Variants in GABRB1 observed in about 807,000 individuals in gnomAD.
GABRB1 encodes gamma-aminobutyric acid type A receptor subunit beta1, also known as gamma-aminobutyric acid receptor subunit beta-1.
GABRB1 carries 17 observed loss-of-function variants against 51.6 expected under a neutral mutation model. The ratio of observed to expected loss-of-function variants is 0.33; its 90% CI spans 0.23 to 0.49. The LOEUF (loss-of-function observed/expected upper bound fraction) is 0.49. Ranked by LOEUF, GABRB1 falls within the 20% of genes least tolerant of loss-of-function variation. GABRB1 has a pLI of 0.99. For synonymous variants in GABRB1, 247 were observed against 218.9 expected (o/e 1.13, Z -1.14); for missense variants, 410 against 600.6 (o/e 0.68, Z 3.32).
intron 8 of GABRB1, among the ~76,000 whole-genome samples, chr4:47,407,456 T>C (rs1728614986): frequency 6.6e-6 from 1 of 152,254 alleles, no homozygotes; most frequent in Admixed American, 6.5e-5. Flanking sequence ...TTAAGAACTC[T>C]GTTTTTCTCA....
At chr4:47,303,103 C>T (rs1724322583) in intron 4 of GABRB1, among the ~76,000 whole-genome samples, 1 of 151,738 alleles carries the variant, frequency 6.6e-6, no homozygotes, top group Non-Finnish European at 1.5e-5. Flanking sequence ...AGAAGAAATG[C>T]ACATTTATTT....
At chr4:47,091,378 C>T (rs940819343) in intron 3 of GABRB1, among the ~76,000 whole-genome samples, 1 of 152,006 alleles carries the variant, frequency 6.6e-6, no homozygotes, top group African/African-American at 2.4e-5. Flanking sequence ...AAAAACAAAA[C>T]ATAATGGTAT....
At chr4:47,128,931 A>G (rs923123344) in intron 3 of GABRB1, among the ~76,000 whole-genome samples, 6 of 152,104 alleles carry the variant, frequency 3.9e-5, no homozygotes, top group Admixed American at 3.9e-4. Flanking sequence ...TTGTTGAACA[A>G]GTAGTGACCT....
intron 5 of GABRB1, among the ~76,000 whole-genome samples, chr4:47,376,717 C>T (rs955018540): frequency 2.0e-5 from 3 of 151,906 alleles, no homozygotes; most frequent in African/African-American, 7.3e-5. Flanking sequence ...AGTAGAGGCA[C>T]AAGCTAGGCT....
At chr4:47,058,222 G>A (rs1577868747) in intron 3 of GABRB1, among the ~76,000 whole-genome samples, 1 of 152,164 alleles carries the variant, frequency 6.6e-6, no homozygotes, top group Admixed American at 6.5e-5. Context: ...GTGCAGAAGG[G>A]TCGGTCCATC....
intron 5 of GABRB1, among the ~76,000 whole-genome samples, chr4:47,350,131 T>C (rs1296690575): frequency 6.7e-6 from 1 of 149,192 alleles, no homozygotes; most frequent in African/African-American, 2.4e-5. Flanking sequence ...TTTATTACTT[T>C]ACATTAGTTC....
chr4:47,284,542 C>T (rs955503127), intron 4 of GABRB1, among the ~76,000 whole-genome samples: 5 of 152,164 alleles, frequency 3.3e-5, no homozygotes, highest in African/African-American at 1.2e-4. Flanking sequence ...AAGAGGAAAA[C>T]TTTTTCTTTT....
intron 5 of GABRB1, among the ~76,000 whole-genome samples, chr4:47,360,425 G>A (rs1726763826): frequency 6.6e-6 from 1 of 151,632 alleles, no homozygotes; most frequent in African/African-American, 2.4e-5. Context: ...TTCATATGTA[G>A]GGAAATAGCC....
intron 4 of GABRB1, among the ~76,000 whole-genome samples, chr4:47,178,809 C>T (rs1033761215): frequency 9.9e-5 from 15 of 151,932 alleles, no homozygotes; most frequent in Admixed American, 9.2e-4. Flanking sequence ...AAATTAGGAA[C>T]GATGGTTGAA....
intron 8 of GABRB1, among the ~76,000 whole-genome samples, chr4:47,424,763 T>C (rs563728897): frequency 6.6e-5 from 10 of 152,226 alleles, no homozygotes; most frequent in African/African-American, 1.9e-4. Flanking sequence ...GCAAAGTATA[T>C]CAGCTTGAAG....
chr4:47,339,810 AAAAT>A (rs1263116176), intron 5 of GABRB1, among the ~76,000 whole-genome samples: 1 of 139,408 alleles, frequency 7.2e-6, no homozygotes, highest in Non-Finnish European at 1.5e-5. Flanking sequence ...TCATAGAGCA[AAAAT>A]AAATAAATGC....
chr4:47,308,537 T>A (rs1209351098), intron 4 of GABRB1, among the ~76,000 whole-genome samples: 1 of 152,082 alleles, frequency 6.6e-6, no homozygotes, highest in Non-Finnish European at 1.5e-5. Context: ...TAATACTCCA[T>A]CACTCTTGAA....
At chr4:47,156,090 C>T (rs1717686841) in intron 3 of GABRB1, among the ~76,000 whole-genome samples, 1 of 151,488 alleles carries the variant, frequency 6.6e-6, no homozygotes, top group Non-Finnish European at 1.5e-5. Context: ...ATGTACCCAG[C>T]AGTGGAATTG....
intron 4 of GABRB1, among the ~76,000 whole-genome samples, chr4:47,184,119 G>C (rs1012454814): frequency 6.6e-6 from 1 of 151,824 alleles, no homozygotes; most frequent in Non-Finnish European, 1.5e-5. Flanking sequence ...GACCACACCT[G>C]GTCACTCTAA....
At chr4:47,257,587 T>C (rs1271727058) in intron 4 of GABRB1, among the ~76,000 whole-genome samples, 1 of 151,870 alleles carries the variant, frequency 6.6e-6, no homozygotes, top group Admixed American at 6.6e-5. Context: ...GAGAAGTTGA[T>C]TGGTGAGAAG....
chr4:47,147,342 T>C (rs1409647560), intron 3 of GABRB1, among the ~76,000 whole-genome samples: 1 of 152,122 alleles, frequency 6.6e-6, no homozygotes, highest in Non-Finnish European at 1.5e-5. Context: ...TCTGCCTTCA[T>C]TCAGACTAAT....
intron 5 of GABRB1, among the ~76,000 whole-genome samples, chr4:47,358,409 A>G (rs1343301920): frequency 6.6e-6 from 1 of 151,730 alleles, no homozygotes; most frequent in Non-Finnish European, 1.5e-5. Context: ...ATATATAGAG[A>G]GAGAGAGAGT....
At chr4:47,403,251 G>A in intron 5 of GABRB1, 67 bp from the exon 6 acceptor site, 1 of 1,567,632 alleles carries the variant, frequency 6.4e-7, no homozygotes, top group Non-Finnish European at 8.7e-7. Flanking sequence ...TTTTCCTCTA[G>A]CTCCCAGATG....
intron 4 of GABRB1, among the ~76,000 whole-genome samples, chr4:47,304,840 T>A (rs1311565119): frequency 6.6e-6 from 1 of 152,100 alleles, no homozygotes; most frequent in African/African-American, 2.4e-5. Context: ...GAAGTTAGCA[T>A]TCTAATGACA....
Sources: allele counts gnomAD v4.1 joint callset (sites outside exome capture counted in the v4.1 genomes callset), GRCh38; gene constraint gnomAD v4.1.1; transcripts MANE v1.5; gene names NCBI Gene and HGNC (gene_info 2026-07-23, HGNC 2026-07-21).